DYNC1I1: variants seen among roughly 807,000 people sequenced by gnomAD.
DYNC1I1 encodes the protein cytoplasmic dynein 1 intermediate chain 1.
Under a neutral mutation model 86.6 loss-of-function variants are expected in DYNC1I1, and 43 were observed. The ratio of observed to expected loss-of-function variants is 0.50; its 90% CI spans 0.39 to 0.64. The LOEUF (loss-of-function observed/expected upper bound fraction) is 0.64, where lower values mean the gene tolerates loss of function less well. Ranked by LOEUF, DYNC1I1 falls within the 30% of genes least tolerant of loss-of-function variation. DYNC1I1 has a pLI of 0.00. For synonymous variants in DYNC1I1, 262 were observed against 283.7 expected (o/e 0.92, Z 0.77); for missense variants, 604 against 788.8 (o/e 0.77, Z 2.81).
chr7:95,938,435 G>C (rs1792107785), intron 6 of DYNC1I1, among the ~76,000 whole-genome samples: 1 of 152,152 alleles, frequency 6.6e-6, no homozygotes, highest in Admixed American at 6.5e-5. Context: ...GCAGGGAGCA[G>C]GGGAAGGTGT....
intron 7 of DYNC1I1, among the ~76,000 whole-genome samples, chr7:95,984,458 A>G (rs1219593605): frequency 6.6e-6 from 1 of 152,172 alleles, no homozygotes; most frequent in Non-Finnish European, 1.5e-5. Context: ...GCATATATAA[A>G]TACATAGTTT....
At chr7:95,958,249 CTATGATTAAGAAAATTA>C (rs1562955986) in intron 6 of DYNC1I1, among the ~76,000 whole-genome samples, 1 of 152,104 alleles carries the variant, frequency 6.6e-6, no homozygotes, top group African/African-American at 2.4e-5. Flanking sequence ...TAACTTTCTT[CTATGATTAAGAAAATTA>C]TATGATTAAG....
At chr7:96,037,911 G>A (rs1263863523) in intron 13 of DYNC1I1, among the ~76,000 whole-genome samples, 1 of 152,152 alleles carries the variant, frequency 6.6e-6, no homozygotes, top group Non-Finnish European at 1.5e-5. Context: ...CTATGGGGGA[G>A]AAGCAGGGGA....
Position 95,956,832 on chromosome 7 carries a change from G to C in DYNC1I1, c.491-20680G>C, listed in dbSNP as rs151104742. 3.0e-3 allele frequency among the ~76,000 whole-genome samples: 461 copies of C among 152,264 alleles called. 4 individuals carry two copies. Among genetic ancestry groups the C allele is most frequent in the African/African-American group, 0.01 (436 of 41,550 alleles). ...AGTCTTTGCTATTGTGAGTGGTGCT[G>C]CAATAAACACACGTGTGCATGTGTC... is the stretch of plus-strand genomic sequence containing the variant. On this transcript the variant is annotated intron_variant, in intron 6 of 16. Transcript: ENST00000447467.
At chr7:95,818,047 A>G (rs574637551) in intron 4 of DYNC1I1, among the ~76,000 whole-genome samples, 177 of 152,346 alleles carry the variant, frequency 1.2e-3, no homozygotes, top group African/African-American at 4.1e-3. Context: ...TTTCAAAGTT[A>G]AAACATCTCT....
chr7:95,919,994 T>C (rs1477981155), intron 6 of DYNC1I1, among the ~76,000 whole-genome samples: 2 of 152,144 alleles, frequency 1.3e-5, no homozygotes, highest in African/African-American at 4.8e-5. Context: ...TCAGATAATT[T>C]ATGTAAATTT....
At chr7:96,084,879 A>C (rs996493077) in intron 16 of DYNC1I1, among the ~76,000 whole-genome samples, 16 of 152,170 alleles carry the variant, frequency 1.1e-4, no homozygotes, top group Admixed American at 2.6e-4. Flanking sequence ...TTTTGCCTGA[A>C]AATATATTAA....
intron 1 of DYNC1I1, among the ~76,000 whole-genome samples, chr7:95,803,464 C>T (rs1181619084): frequency 6.6e-6 from 1 of 152,210 alleles, no homozygotes; most frequent in Non-Finnish European, 1.5e-5. Context: ...GATTATTTCA[C>T]AAATCTCCGC....
intron 6 of DYNC1I1, among the ~76,000 whole-genome samples, chr7:95,871,371 G>T (rs1790163259): frequency 6.6e-6 from 1 of 152,116 alleles, no homozygotes. Flanking sequence ...AGAAAGAAAA[G>T]AAAAAGAAAA....
chr7:95,960,046 T>G (rs1792824396), intron 6 of DYNC1I1, among the ~76,000 whole-genome samples: 1 of 152,164 alleles, frequency 6.6e-6, no homozygotes, highest in African/African-American at 2.4e-5. Flanking sequence ...GGAGATCATA[T>G]ATTGTAAGCT....
intron 7 of DYNC1I1, among the ~76,000 whole-genome samples, chr7:95,980,256 A>G (rs1793421063): frequency 6.6e-6 from 1 of 152,044 alleles, no homozygotes; most frequent in South Asian, 2.1e-4. Context: ...CTTTTCTGCA[A>G]ATTAACACAT....
chr7:95,813,376 A>AT, intron 4 of DYNC1I1, 39 bp downstream of exon 4: 2 of 1,517,212 alleles, frequency 1.3e-6, no homozygotes, highest in Non-Finnish European at 8.7e-7. Flanking sequence ...ATGGGTGTCA[A>AT]TTAAAAAAAA....
chr7:96,065,357 CTT>C (rs1381093107), intron 14 of DYNC1I1, among the ~76,000 whole-genome samples: 5 of 147,654 alleles, frequency 3.4e-5, no homozygotes, highest in South Asian at 4.3e-4. Context: ...CCTCCCCACT[CTT>C]TTCTTTTTTT....
intron 14 of DYNC1I1, among the ~76,000 whole-genome samples, chr7:96,060,086 T>G (rs1789718225): frequency 6.6e-6 from 1 of 152,206 alleles, no homozygotes; most frequent in African/African-American, 2.4e-5. Context: ...CACATTAACT[T>G]AATGTGACAA....
At chr7:95,846,507 G>A (rs536866470) in intron 5 of DYNC1I1, among the ~76,000 whole-genome samples, 55 of 152,270 alleles carry the variant, frequency 3.6e-4, no homozygotes, top group African/African-American at 1.3e-3. Context: ...TTTTAAATGT[G>A]AACATAGAAG....
chr7:96,108,362 A>G (rs1791252591), intron 16 of DYNC1I1, among the ~76,000 whole-genome samples: 1 of 152,082 alleles, frequency 6.6e-6, no homozygotes, highest in Non-Finnish European at 1.5e-5. Context: ...CTCTTTCTGC[A>G]AAGGGATATT....
chr7:95,870,154 A>G (rs1040786176), intron 6 of DYNC1I1, among the ~76,000 whole-genome samples, 156 bp downstream of exon 6: 4 of 152,222 alleles, frequency 2.6e-5, no homozygotes, highest in Non-Finnish European at 5.9e-5. Context: ...TTTGAAAGCT[A>G]TGGAGAGGGA....
chr7:95,951,432 G>T (rs1429347034), intron 6 of DYNC1I1, among the ~76,000 whole-genome samples: 2 of 152,254 alleles, frequency 1.3e-5, no homozygotes, highest in East Asian at 3.9e-4. Context: ...ATTTGGGGTA[G>T]TTTTCTCTGG....
At position 95,774,086 on chromosome 7, in the gene DYNC1I1, C is replaced by A. The variant is rs1001494358; in HGVS notation, c.-10+1313C>A. On this transcript the variant is annotated intron_variant, in intron 1 of 16. Coordinates refer to ENST00000447467, the MANE Select transcript of DYNC1I1 (RefSeq NM_001135556.2). ...ATCTGAAACACCTGCCACTGAGTTA[C>A]CACATGTTCTCTTCATAAGAACTAA... Among the ~76,000 whole-genome samples, 10 of 152,290 alleles carry A rather than the reference C, an allele frequency of 6.6e-5. No individual in the cohort carries two copies. In the East Asian group the frequency reaches 1.5e-3, roughly 23 times the overall value.
Sources: gnomAD v4.1 joint callset for allele counts (sites outside exome capture counted in the v4.1 genomes callset) on GRCh38, gnomAD v4.1.1 for gene constraint, MANE v1.5 for transcripts, NCBI Gene and HGNC (gene_info 2026-07-23, HGNC 2026-07-21) for gene names.